The following TECTA variants were observed in gnomAD, a reference collection of about 807,000 sequenced individuals.
TECTA encodes the protein tectorin alpha, also known as alpha-tectorin.
In TECTA, 128 loss-of-function variants were observed where a neutral mutation model predicts 216.8. The ratio of observed to expected loss-of-function variants is 0.59; its 90% CI spans 0.51 to 0.68. The LOEUF is 0.68. TECTA is among the 30% of genes least tolerant of loss of function. The probability of loss-of-function intolerance (pLI) is 0.00; values close to 1 mark genes in which losing one functional copy is unlikely to be tolerated. For missense variants in TECTA, 2,551 were observed against 2,786.2 expected (o/e 0.92, Z 1.90); for synonymous variants, 1,089 against 1,117.1 (o/e 0.97, Z 0.50).
intron 10 of TECTA, 54 bp downstream of exon 10, chr11:121,130,265 T>C (rs979418133): frequency 6.3e-7 from 1 of 1,581,088 alleles, no homozygotes; most frequent in Admixed American, 1.7e-5. Context: ...ATAGGTGCCA[T>C]GCTGGGCCTT....
In TECTA at chr11:121,131,066, T is replaced by G. The variant is rs541913896; in HGVS notation, c.2941+855T>G. The stretch of plus-strand genomic sequence containing the variant: ...TGTCTCTACTAAAAATACAAAAAAT[T>G]AGCCGGGCGTGGTGGCGGGGGCCTG... On this transcript the variant is annotated intron_variant, in intron 10 of 23. Transcript: ENST00000392793. Among the ~76,000 whole-genome samples the G allele has an allele frequency of 8.3e-4, 126 of 151,930 alleles. 7 individuals carry two copies. The South Asian group carries it at 0.026, about 32-fold the overall frequency.
At chr11:121,141,730 AG>A (rs1946786272) in intron 11 of TECTA, among the ~76,000 whole-genome samples, 1 of 152,194 alleles carries the variant, frequency 6.6e-6, no homozygotes, top group Non-Finnish European at 1.5e-5. Flanking sequence ...AGAGAAGAGT[AG>A]GGTTTTGGGC....
chr11:121,181,394 A>C (rs921724877), intron 20 of TECTA, among the ~76,000 whole-genome samples: 1 of 151,574 alleles, frequency 6.6e-6, no homozygotes, highest in Non-Finnish European at 1.5e-5. Flanking sequence ...CATTATATTG[A>C]ATTCTTTCTC....
At chr11:121,179,841 C>T (rs1947207252) in intron 20 of TECTA, among the ~76,000 whole-genome samples, 1 of 152,078 alleles carries the variant, frequency 6.6e-6, no homozygotes, top group South Asian at 2.1e-4. Context: ...ATAGCTACTC[C>T]TGCTTGCTTT....
chr11:121,143,116 GT>G (rs1946799971), intron 11 of TECTA, among the ~76,000 whole-genome samples: 2 of 152,218 alleles, frequency 1.3e-5, no homozygotes, highest in South Asian at 4.2e-4. Flanking sequence ...AATTCTCTTA[GT>G]AAGATTGCTG....
chr11:121,142,752 T>A (rs1239653216), intron 11 of TECTA, among the ~76,000 whole-genome samples: 2 of 152,162 alleles, frequency 1.3e-5, no homozygotes, highest in African/African-American at 2.4e-5. Context: ...CTTAAATGAC[T>A]GTCACTGCAC....
rs1260214693 is a variant in TECTA at position 121,176,740 on chromosome 11, A to G, written c.5999+7815A>G. ...TTGGCCTGCCTTGCTAGATTGGGGA[A>G]GTTCTCCTGGATAATATCCTGCAGA... is the stretch of plus-strand genomic sequence containing the variant. On this transcript the variant is annotated intron_variant, in intron 20 of 23. Transcript: ENST00000392793. Among the ~76,000 whole-genome samples, 3 of 151,600 alleles carry G rather than the reference A, an allele frequency of 2.0e-5. No individual in the cohort carries two copies. In the East Asian group the frequency reaches 5.8e-4, roughly 29 times the overall value.
chr11:121,112,009 G>A (rs901165067), intron 4 of TECTA, among the ~76,000 whole-genome samples: 3 of 152,212 alleles, frequency 2.0e-5, no homozygotes, highest in African/African-American at 7.2e-5. Flanking sequence ...GATTACACAG[G>A]ATAAGGATTT....
intron 11 of TECTA, among the ~76,000 whole-genome samples, chr11:121,145,312 T>C (rs910372161): frequency 2.0e-5 from 3 of 152,210 alleles, no homozygotes; most frequent in Non-Finnish European, 4.4e-5. Flanking sequence ...GGGGAAATAA[T>C]GCTATGTAAA....
chr11:121,179,308 C>T (rs1234867631), intron 20 of TECTA, among the ~76,000 whole-genome samples: 1 of 152,060 alleles, frequency 6.6e-6, no homozygotes, highest in Non-Finnish European at 1.5e-5. Context: ...TGTTCAGGAG[C>T]ATGTGGCCTA....
In TECTA at chr11:121,152,972, C is replaced by T. The variant is rs145177862; in HGVS notation, c.4197C>T (p.Ser1399=). The change falls in exon 13 of 24, where the codon AGC becomes AGT. Residue 1399 remains serine (S), a synonymous_variant. Coordinates refer to ENST00000392793, the MANE Select transcript of TECTA (RefSeq NM_005422.4). ...CAAIRLKSDC[S]HYCVEGCHCD... is the part of the protein sequence containing the mutation. Reference sequence around the variant, plus strand: ...CCATCCGCCTGAAGAGTGACTGCAGCCACTACTGCGTGGAGGGCTGTCACT... The same window carrying T: ...CCATCCGCCTGAAGAGTGACTGCAGTCACTACTGCGTGGAGGGCTGTCACT... 11 of 1,614,034 alleles carry T rather than the reference C, an allele frequency of 6.8e-6. No homozygotes were observed. The African/African-American group carries it at 1.5e-4, about 22-fold the overall frequency.
chr11:121,167,774 C>T (rs1244822269), intron 18 of TECTA, among the ~76,000 whole-genome samples: 4 of 152,170 alleles, frequency 2.6e-5, no homozygotes, highest in African/African-American at 9.7e-5. Flanking sequence ...TGGGGTCCCA[C>T]AGATAAGTGG....
At chr11:121,185,159 A>G (rs1332552348) in intron 20 of TECTA, among the ~76,000 whole-genome samples, 2 of 152,252 alleles carry the variant, frequency 1.3e-5, no homozygotes, top group Non-Finnish European at 2.9e-5. Context: ...TCTTCAAATT[A>G]AACTGTGGTT....
chr11:121,105,006 C>T lies in TECTA; in HGVS notation c.65-825C>T, dbSNP rs948382078. 3.9e-5 allele frequency among the ~76,000 whole-genome samples: 6 copies of T among 152,170 alleles called. No individual in the cohort carries two copies. The highest frequency in any genetic ancestry group is 7.3e-5 in the Non-Finnish European group (5 of 68,028). ...CCTCAGTGATGCAGACCCTAGGGAA[C>T]TTGTCTCATTTCTCCCACAAAACTG... On this transcript the variant is annotated intron_variant, in intron 2 of 23. Coordinates refer to ENST00000392793, the MANE Select transcript of TECTA (RefSeq NM_005422.4). The surrounding 1 kb of genome is among the most constrained non-coding windows in gnomAD (Gnocchi z 5.3).
intron 11 of TECTA, among the ~76,000 whole-genome samples, chr11:121,140,368 C>T (rs1177812182): frequency 6.6e-6 from 1 of 152,220 alleles, no homozygotes; most frequent in East Asian, 1.9e-4. Flanking sequence ...TAGGGTTAAG[C>T]CCCCAGTGGG....
chr11:121,119,649 G>A (rs550632106), intron 7 of TECTA, among the ~76,000 whole-genome samples: 2 of 152,328 alleles, frequency 1.3e-5, no homozygotes, highest in South Asian at 4.1e-4. Flanking sequence ...CATGCATGGA[G>A]GTCATTACAG....
At chr11:121,152,397 G>C (rs918224103) in intron 12 of TECTA, among the ~76,000 whole-genome samples, 1 of 152,204 alleles carries the variant, frequency 6.6e-6, no homozygotes, top group Non-Finnish European at 1.5e-5. Context: ...GTCGAAGAGG[G>C]AGAACTACAT....
chr11:121,137,150 A>G (rs1249341048), intron 10 of TECTA, among the ~76,000 whole-genome samples: 2 of 152,172 alleles, frequency 1.3e-5, no homozygotes, highest in Non-Finnish European at 2.9e-5. Flanking sequence ...ACACGTGCAC[A>G]TGCACACTCG....
intron 20 of TECTA, among the ~76,000 whole-genome samples, chr11:121,181,906 T>C (rs1209099673): frequency 6.6e-6 from 1 of 152,262 alleles, no homozygotes; most frequent in Non-Finnish European, 1.5e-5. Flanking sequence ...GTTTTTCCTA[T>C]AGATGTATCT....
Sources: gnomAD v4.1 joint callset for allele counts (sites outside exome capture counted in the v4.1 genomes callset) on GRCh38, gnomAD v4.1.1 for gene constraint, Gnocchi (gnomAD v3.1) non-coding constraint, MANE v1.5 for transcripts, NCBI Gene and HGNC (gene_info 2026-07-23, HGNC 2026-07-21) for gene names.